PRR11: variants seen among roughly 807,000 people sequenced by gnomAD.
PRR11 encodes the protein proline-rich protein 11.
PRR11 carries 30 observed loss-of-function variants against 45.6 expected under a neutral mutation model. That is an observed-to-expected ratio of 0.66 (90% CI 0.49 to 0.89). PRR11 has a LOEUF of 0.89. Among genes scored for constraint, PRR11 ranks in the 40% least tolerant of loss-of-function variants. The pLI, the probability that PRR11 is intolerant of heterozygous loss-of-function variation, is 0.00. For missense variants in PRR11, 373 were observed against 424.8 expected, an observed-to-expected ratio of 0.88 and a Z score of 1.07; for synonymous variants, 128 against 153.5, an observed-to-expected ratio of 0.83 and a Z score of 1.23.
At chr17:59,197,636 G>A (rs571404908) in intron 8 of PRR11, 33 bp downstream of exon 8, 13 of 1,611,006 alleles carry the variant, frequency 8.1e-6, no homozygotes, top group African/African-American at 2.7e-5. Context: ...TGCCTTCTAC[G>A]TCCATTTTAA....
At position 59,201,837 on chromosome 17, in the gene PRR11, G is replaced by A; in HGVS notation, c.*206G>A. The A allele has an allele frequency of 1.9e-6, 1 of 519,754 alleles. No individual in the cohort carries two copies. The highest frequency in any genetic ancestry group is 3.1e-5 in the Admixed American group (1 of 32,244). The allele number at this position is 519,754 out of a possible 1,614,324, so 32.2% of individuals were successfully genotyped here. ...AATACAGAAATTAGCTGGGCATAGTGGCGGGTGCCTGTAATCCCAGCTATG... is the reference window on the plus strand; with the variant it reads ...AATACAGAAATTAGCTGGGCATAGTAGCGGGTGCCTGTAATCCCAGCTATG... On this transcript the variant is annotated 3_prime_UTR_variant, in exon 10 of 10. Transcript: ENST00000262293.
Position 59,185,429 on chromosome 17 carries a change from A to G in PRR11, c.280-11A>G. The stretch of plus-strand genomic sequence containing the variant: ...CTCATAGGACTCAGAATTGTTTATT[A>G]TTAATTTCAGAGTTTAGAAGTATTG... On this transcript the variant is annotated splice_polypyrimidine_tract_variant and intron_variant, in intron 3 of 9. Coordinates refer to ENST00000262293, the MANE Select transcript of PRR11 (RefSeq NM_018304.4). 3 of 1,591,264 alleles carry G rather than the reference A, an allele frequency of 1.9e-6. No homozygotes were observed. The highest frequency in any genetic ancestry group is 2.6e-6 in the Non-Finnish European group (3 of 1,168,472).
rs775255955 is a variant in PRR11 at position 59,197,557 on chromosome 17, A to G, written c.871A>G (p.Ser291Gly). The change falls in exon 8 of 10, where the codon AGT becomes GGT. Residue 291 changes from serine to glycine, a missense_variant. Coordinates refer to ENST00000262293, the MANE Select transcript of PRR11 (RefSeq NM_018304.4). ...TTGTTTTATCAGCACTCCTGGAAAA[A>G]GTCAGATGGATCTGCGGAAACTGCT... ...VTNVLITPGK[S>G]QMDLRKLLRK... 2.5e-6 allele frequency: 4 copies of G among 1,613,968 alleles called. No individual in the cohort carries two copies. The South Asian group carries it at 3.3e-5, about 13-fold the overall frequency.
chr17:59,175,737 G>A (rs1456411495), intron 2 of PRR11, among the ~76,000 whole-genome samples: 1 of 151,996 alleles, frequency 6.6e-6, no homozygotes, highest in African/African-American at 2.4e-5. Context: ...ACAAGACTCT[G>A]TCTCAATAAA....
At position 59,205,798 on chromosome 17, in the gene PRR11, C is replaced by T. The variant is rs2046915176; in HGVS notation, c.*4167C>T. Among the ~76,000 whole-genome samples, 1 of 151,664 alleles carries T rather than the reference C, an allele frequency of 6.6e-6. No individual in the cohort carries two copies. The highest frequency in any genetic ancestry group is 1.5e-5 in the Non-Finnish European group (1 of 67,970). ...CAGTGGCTCACACCTGTAATCCCAG[C>T]ACTTTGGGAGGCCGAGGTGGGTGTA... On this transcript the variant is annotated 3_prime_UTR_variant, in exon 10 of 10. Transcript: ENST00000262293.
chr17:59,194,661 C>G, intron 5 of PRR11, 96 bp from the exon 6 acceptor site: 1 of 836,692 alleles, frequency 1.2e-6, no homozygotes. Context: ...TAAGAGTTAC[C>G]TCTTAACTCT....
intron 1 of PRR11, among the ~76,000 whole-genome samples, chr17:59,167,425 A>G (rs985727182): frequency 2.0e-5 from 3 of 152,162 alleles, no homozygotes; most frequent in African/African-American, 7.2e-5. Flanking sequence ...CTGTAATTAT[A>G]TTACTGGAAA....
At chr17:59,200,668 A>G (rs1243028906) in intron 9 of PRR11, among the ~76,000 whole-genome samples, 1 of 151,854 alleles carries the variant, frequency 6.6e-6, no homozygotes, top group Non-Finnish European at 1.5e-5. Context: ...AATTTTTTGT[A>G]TTTTTAGTAG....
At chr17:59,184,712 G>A (rs1255062112) in intron 2 of PRR11, among the ~76,000 whole-genome samples, 3 of 152,070 alleles carry the variant, frequency 2.0e-5, no homozygotes, top group Non-Finnish European at 4.4e-5. Flanking sequence ...TAGTTAACAG[G>A]CTTTCATATA....
At chr17:59,174,150 A>T (rs1308325871) in intron 2 of PRR11, among the ~76,000 whole-genome samples, 1 of 152,190 alleles carries the variant, frequency 6.6e-6, no homozygotes, top group Non-Finnish European at 1.5e-5. Context: ...AGCCCCAGTG[A>T]TCTGCTTCAT....
intron 1 of PRR11, among the ~76,000 whole-genome samples, chr17:59,168,470 G>A (rs553698364): frequency 5.9e-5 from 9 of 151,378 alleles, no homozygotes; most frequent in Admixed American, 1.3e-4. Context: ...ACACCCAGCC[G>A]GTGATGTTTT....
chr17:59,187,734 G>A (rs947647206), intron 4 of PRR11, among the ~76,000 whole-genome samples: 13 of 151,060 alleles, frequency 8.6e-5, no homozygotes, highest in South Asian at 2.1e-4. Context: ...GTGTGATGGC[G>A]GGCACCAGTA....
chr17:59,190,628 T>C (rs1732591320), intron 4 of PRR11, among the ~76,000 whole-genome samples: 1 of 152,230 alleles, frequency 6.6e-6, no homozygotes, highest in Non-Finnish European at 1.5e-5. Flanking sequence ...ATAAAACCAG[T>C]AAGTCTAGGG....
At chr17:59,185,308 A>AT (rs759517644) in intron 3 of PRR11, 104 bp downstream of exon 3, 545 of 1,516,724 alleles carry the variant, frequency 3.6e-4, no homozygotes, top group Middle Eastern at 7.1e-4. Flanking sequence ...CTAAACTTAG[A>AT]TAAGATGAAA....
At chr17:59,177,586 G>A (rs1357358546) in intron 2 of PRR11, among the ~76,000 whole-genome samples, 1 of 152,158 alleles carries the variant, frequency 6.6e-6, no homozygotes, top group African/African-American at 2.4e-5. Context: ...GAGTAAAGGG[G>A]CTAGGAGCTT....
At chr17:59,170,987 C>G (rs771010491) in intron 2 of PRR11, among the ~76,000 whole-genome samples, 1 of 152,158 alleles carries the variant, frequency 6.6e-6, no homozygotes, top group Non-Finnish European at 1.5e-5. Context: ...CGGCCAGGCG[C>G]GGTGGCTCAT....
chr17:59,198,079 A>G (rs1379515838), intron 9 of PRR11, among the ~76,000 whole-genome samples: 1 of 152,156 alleles, frequency 6.6e-6, no homozygotes, highest in Non-Finnish European at 1.5e-5. Flanking sequence ...GCACCACTGC[A>G]CTCCAGTCTG....
intron 4 of PRR11, among the ~76,000 whole-genome samples, chr17:59,187,505 G>A (rs535831236): frequency 1.3e-5 from 2 of 152,078 alleles, no homozygotes; most frequent in African/African-American, 4.8e-5. Context: ...GGGAGGCAGA[G>A]GTTGCAGTGA....
intron 2 of PRR11, among the ~76,000 whole-genome samples, chr17:59,180,500 T>TTTTTTTTTTG (rs2046776666): frequency 2.3e-5 from 3 of 130,362 alleles, no homozygotes; most frequent in Non-Finnish European, 3.1e-5. Context: ...GTCCTTGTTT[T>TTTTTTTTTTG]TTTTTTTTTG....
Sources: allele counts gnomAD v4.1 joint callset (sites outside exome capture counted in the v4.1 genomes callset), GRCh38; gene constraint gnomAD v4.1.1; transcripts MANE v1.5; gene names NCBI Gene and HGNC (gene_info 2026-07-23, HGNC 2026-07-21).